The following SNPH variants were observed in gnomAD, a reference collection of about 807,000 sequenced individuals.
SNPH encodes syntaphilin.
In SNPH, 10 loss-of-function variants were observed where a neutral mutation model predicts 36.8. That is an observed-to-expected ratio of 0.27 (90% CI 0.17 to 0.46). The LOEUF is 0.46. Among genes scored for constraint, SNPH ranks in the 20% least tolerant of loss-of-function variants. SNPH has a pLI of 1.00. For missense variants in SNPH, 622 were observed against 744.0 expected (o/e 0.84, Z 1.91); for synonymous variants, 281 against 312.2 (o/e 0.90, Z 1.05).
rs781435460 is a variant in SNPH at position 1,305,668 on chromosome 20, G to A, written c.1231G>A (p.Val411Met). 22 of 1,612,064 alleles carry A rather than the reference G, an allele frequency of 1.4e-5. No homozygotes were observed. In the South Asian group the frequency reaches 2.2e-4, roughly 16 times the overall value. The change falls in exon 7 of 7, where the codon GTG becomes ATG. Residue 411 changes from valine (V) to methionine (M), a missense_variant. This residue lies in a region of SNPH where 379 missense variants were observed against 427.9 expected (regional missense o/e 0.89). Coordinates refer to ENST00000381867, the MANE Select transcript of SNPH (RefSeq NM_001318234.2). ...CAGAGACCCCAACTCAGCAGTGGTGGTGACAGTGGGTGATGAGCTAGAGGC... is the reference window on the plus strand; with the variant it reads ...CAGAGACCCCAACTCAGCAGTGGTGATGACAGTGGGTGATGAGCTAGAGGC... ...GPRDPNSAVVVTVGDELEAPE... is the reference protein window; with the variant it reads ...GPRDPNSAVVMTVGDELEAPE...
rs544253447 is a variant in SNPH at position 1,284,864 on chromosome 20, G to A, written c.-492-10087G>A. ...TTAGCCTCTATTGAAAGGAAGGACC[G>A]TTGGAGGGGTTTTGAGTAGAGGAAT... On this transcript the variant is annotated intron_variant, in intron 2 of 6. Transcript: ENST00000381867. Among the ~76,000 whole-genome samples, 8 of 152,256 alleles carry A rather than the reference G, an allele frequency of 5.3e-5. No homozygotes were observed. The East Asian group carries it at 5.8e-4, about 11-fold the overall frequency.
At chr20:1,269,162 C>T (rs2088042793) in intron 2 of SNPH, among the ~76,000 whole-genome samples, 1 of 152,222 alleles carries the variant, frequency 6.6e-6, no homozygotes, top group African/African-American at 2.4e-5. Context: ...CATTGAACCA[C>T]TGCCTTATTA....
Position 1,300,685 on chromosome 20 carries a change from G to A in SNPH, c.414G>A (p.Lys138=). Residue 138 remains lysine, a synonymous_variant, in exon 6 of 7, where the codon AAG becomes AAA. Transcript: ENST00000381867. ...VCIRHLKARL[K]DTQDRLQDRD... ...TCCGGCACCTGAAAGCCCGGCTGAA[G>A]GACACACAGGACCGGCTCCAGGACC... 6.2e-7 allele frequency: 1 copy of A among 1,612,200 alleles called. No individual in the cohort carries two copies. Among genetic ancestry groups the A allele is most frequent in the Non-Finnish European group, 8.5e-7 (1 of 1,179,930 alleles).
At chr20:1,286,826 C>G (rs1411960738) in intron 2 of SNPH, among the ~76,000 whole-genome samples, 4 of 152,184 alleles carry the variant, frequency 2.6e-5, no homozygotes, top group Admixed American at 1.3e-4. Context: ...TCTCTGATCT[C>G]AGGCTGGGTG....
chr20:1,298,626 G>A (rs2122413885), intron 5 of SNPH, among the ~76,000 whole-genome samples: 1 of 152,296 alleles, frequency 6.6e-6, no homozygotes, highest in Middle Eastern at 3.4e-3. Flanking sequence ...AGCCCATGGA[G>A]GTGATCCCAA....
At position 1,304,088 on chromosome 20, in the gene SNPH, G is replaced by C. The variant is rs1227693895; in HGVS notation, c.441-790G>C. ...GAAAAGCCTGAGCATTTCTGGACAA[G>C]AGTCTGCCGACTATCTTGTTCACCT... On this transcript the variant is annotated intron_variant, in intron 6 of 6. Transcript: ENST00000381867. This position sits in a 1 kb window ranked among gnomAD's most constrained non-coding sequence, Gnocchi z 4.3. Among the ~76,000 whole-genome samples the C allele has an allele frequency of 6.6e-6, 1 of 152,162 alleles. No individual in the cohort carries two copies. Among genetic ancestry groups the C allele is most frequent in the Non-Finnish European group, 1.5e-5 (1 of 68,028 alleles).
chr20:1,281,192 T>TC (rs2088214887), intron 2 of SNPH, among the ~76,000 whole-genome samples: 1 of 151,852 alleles, frequency 6.6e-6, no homozygotes, highest in East Asian at 1.9e-4. Context: ...CCCTCAAGAG[T>TC]CTACTTCCTA....
chr20:1,272,947 T>C (rs1444623440), intron 2 of SNPH, among the ~76,000 whole-genome samples: 1 of 152,248 alleles, frequency 6.6e-6, no homozygotes, highest in African/African-American at 2.4e-5. Flanking sequence ...CCACAGGGTC[T>C]CTGGAAGCTT....
chr20:1,281,297 C>T (rs1047789076), intron 2 of SNPH, among the ~76,000 whole-genome samples: 8 of 152,202 alleles, frequency 5.3e-5, no homozygotes, highest in African/African-American at 1.9e-4. Flanking sequence ...TCATCCCTGA[C>T]CTGTCCTGGT....
intron 2 of SNPH, among the ~76,000 whole-genome samples, chr20:1,277,740 C>T (rs1445592945): frequency 1.1e-5 from 1 of 91,012 alleles, no homozygotes; most frequent in Non-Finnish European, 2.1e-5. Flanking sequence ...CTGTGTGTGT[C>T]GTGTGTCTGT....
intron 2 of SNPH, among the ~76,000 whole-genome samples, chr20:1,272,655 G>A (rs192101420): frequency 6.6e-6 from 1 of 152,336 alleles, no homozygotes; most frequent in East Asian, 1.9e-4. Context: ...TTAGATGCTG[G>A]GCACATAGTG....
rs568489242 is a variant in SNPH at position 1,286,652 on chromosome 20, T to C, written c.-492-8299T>C. 2.0e-5 allele frequency among the ~76,000 whole-genome samples: 3 copies of C among 152,304 alleles called. No individual in the cohort carries two copies. The South Asian group carries it at 6.2e-4, about 32-fold the overall frequency. On this transcript the variant is annotated intron_variant, in intron 2 of 6. Coordinates refer to ENST00000381867, the MANE Select transcript of SNPH (RefSeq NM_001318234.2). ...TTGTGGCCTTTGGCAAGTCTTCACTTTTCTATCTAGAAAATGTGGCAGTTG... is the reference window on the plus strand; with the variant it reads ...TTGTGGCCTTTGGCAAGTCTTCACTCTTCTATCTAGAAAATGTGGCAGTTG...
At chr20:1,287,020 G>A (rs1014693836) in intron 2 of SNPH, among the ~76,000 whole-genome samples, 1 of 152,148 alleles carries the variant, frequency 6.6e-6, no homozygotes. Flanking sequence ...CCACTTTGCC[G>A]ACTCCCAGTG....
Position 1,304,935 on chromosome 20 carries a change from TGAG to T in SNPH, c.505_507del (p.Glu169del). ...TGTCACGCATGCAGGAGGACTGGAT[TGAG>T]GAGGAGTGCCACCGCGTGGAGGCCC... On this transcript the variant is annotated inframe_deletion, in exon 7 of 7. Coordinates refer to ENST00000381867, the MANE Select transcript of SNPH (RefSeq NM_001318234.2). The surrounding 1 kb of genome is among the most constrained non-coding windows in gnomAD (Gnocchi z 4.3). 1.2e-6 allele frequency: 2 copies of T among 1,613,512 alleles called. No homozygotes were observed. The highest frequency in any genetic ancestry group is 1.1e-5 in the South Asian group (1 of 91,054).
Position 1,266,313 on chromosome 20 carries a change from A to C in SNPH, c.-684A>C, listed in dbSNP as rs2088002649. 3 of 180,348 alleles carry C rather than the reference A, an allele frequency of 1.7e-5. No homozygotes were observed. The highest frequency in any genetic ancestry group is 2.3e-5 in the Non-Finnish European group (2 of 88,150). 11.2% of individuals were successfully genotyped at this position (180,348 alleles called of 1,614,324 possible). Reference sequence around the variant, plus strand: ...CCCGGCAGCCCCAGCCCCGGCGAGCACCCAGCTAGCCGCCTCCTGCAGGGG... The same window carrying C: ...CCCGGCAGCCCCAGCCCCGGCGAGCCCCCAGCTAGCCGCCTCCTGCAGGGG... On this transcript the variant is annotated 5_prime_UTR_variant, in exon 1 of 7. Transcript: ENST00000381867. The surrounding 1 kb of genome is among the most constrained non-coding windows in gnomAD (Gnocchi z 6.0).
intron 4 of SNPH, 62 bp from the exon 5 acceptor site, chr20:1,297,083 G>A (rs970457203): frequency 1.6e-5 from 25 of 1,542,952 alleles, no homozygotes; most frequent in Middle Eastern, 3.5e-4. Flanking sequence ...GGCAGTGTTC[G>A]CCCAGTGTCC....
chr20:1,281,511 T>C (rs576483069), intron 2 of SNPH, among the ~76,000 whole-genome samples: 8 of 152,342 alleles, frequency 5.3e-5, no homozygotes, highest in Non-Finnish European at 7.3e-5. Context: ...ACTCTCCCTA[T>C]GCCCCTACAC....
At position 1,300,726 on chromosome 20, in the gene SNPH, A is replaced by C. The variant is rs752498156; in HGVS notation, c.440+15A>C. The C allele has an allele frequency of 3.7e-6, 6 of 1,605,452 alleles. No homozygotes were observed. In the Admixed American group the frequency reaches 8.4e-5, roughly 22 times the overall value. ...CTCCAGGACCGGTGAGCGGGTGGCC[A>C]CGAGCAGCCCTGGGGGTACCCCACC... On this transcript the variant is annotated intron_variant, in intron 6 of 6. Transcript: ENST00000381867.
intron 2 of SNPH, among the ~76,000 whole-genome samples, chr20:1,284,078 A>G (rs1490134057): frequency 6.6e-6 from 1 of 152,208 alleles, no homozygotes; most frequent in Non-Finnish European, 1.5e-5. Context: ...CTGAGGGCAC[A>G]CAGCTCCCAG....
Sources: gnomAD v4.1 joint callset for allele counts (sites outside exome capture counted in the v4.1 genomes callset) on GRCh38, gnomAD v4.1.1 for gene constraint, gnomAD v4.1.1 regional missense constraint, Gnocchi (gnomAD v3.1) non-coding constraint, MANE v1.5 for transcripts, NCBI Gene and HGNC (gene_info 2026-07-23, HGNC 2026-07-21) for gene names.